Variants in SYNPR observed in about 807,000 individuals in gnomAD.
SYNPR encodes synaptoporin.
In SYNPR, 23 loss-of-function variants were observed where a neutral mutation model predicts 32.9. The ratio of observed to expected loss-of-function variants is 0.70; its 90% CI spans 0.50 to 0.99. SYNPR has a LOEUF of 0.99. SYNPR is among the 50% of genes least tolerant of loss of function. The pLI is 0.00. For synonymous variants in SYNPR, 146 were observed against 135.9 expected (o/e 1.07, Z -0.52); for missense variants, 318 against 349.3 (o/e 0.91, Z 0.71).
At chr3:63,253,444 T>C (rs889332425) in intron 2 of SYNPR, among the ~76,000 whole-genome samples, 3 of 152,196 alleles carry the variant, frequency 2.0e-5, no homozygotes, top group Non-Finnish European at 4.4e-5. Flanking sequence ...AAATAATAAT[T>C]TTGATGAATA....
At chr3:63,612,790 G>A (rs796349020) in intron 5 of SYNPR, among the ~76,000 whole-genome samples, 8 of 152,038 alleles carry the variant, frequency 5.3e-5, no homozygotes, top group African/African-American at 1.9e-4. Context: ...AGGGAAAAGA[G>A]AAAGATCAAT....
chr3:63,261,634 T>C (rs1242412090), intron 2 of SYNPR, among the ~76,000 whole-genome samples: 5 of 143,712 alleles, frequency 3.5e-5, no homozygotes, highest in African/African-American at 1.3e-4. Flanking sequence ...AGTTAATGGG[T>C]GCAGCACACC....
the SYNPR span, among the ~76,000 whole-genome samples, chr3:63,205,201 G>T: frequency 6.6e-6 from 1 of 152,094 alleles, no homozygotes; most frequent in Non-Finnish European, 1.5e-5. Flanking sequence ...TCACAGACAG[G>T]GGCCATGTCA....
intron 4 of SYNPR, among the ~76,000 whole-genome samples, chr3:63,585,445 C>A (rs1703166450): frequency 8.3e-5 from 1 of 12,066 alleles, no homozygotes; most frequent in Admixed American, 9.2e-4. Flanking sequence ...TTCTGTATAT[C>A]CATGCCCCCC....
chr3:63,455,221 C>G (rs573081917), intron 2 of SYNPR, among the ~76,000 whole-genome samples: 1 of 152,042 alleles, frequency 6.6e-6, no homozygotes, highest in African/African-American at 2.4e-5. Flanking sequence ...AATATTTGAG[C>G]CAATATGTTA....
chr3:63,206,569 AG>A, the SYNPR span, among the ~76,000 whole-genome samples: 1 of 152,222 alleles, frequency 6.6e-6, no homozygotes, highest in Admixed American at 6.5e-5. Context: ...TCAAAAAAAA[AG>A]AAAAGAAAAG....
intron 2 of SYNPR, among the ~76,000 whole-genome samples, chr3:63,333,913 G>T (rs182242469): frequency 6.6e-6 from 1 of 152,268 alleles, no homozygotes; most frequent in Admixed American, 6.5e-5. Flanking sequence ...AAGCCGAAAT[G>T]TCTTACTAAG....
intron 2 of SYNPR, among the ~76,000 whole-genome samples, chr3:63,381,937 G>A (rs1208604926): frequency 3.9e-5 from 6 of 152,016 alleles, no homozygotes; most frequent in African/African-American, 7.2e-5. Context: ...ACAACTTAAC[G>A]AAATCTACTA....
chr3:63,387,818 G>C (rs2088073913), intron 2 of SYNPR, among the ~76,000 whole-genome samples: 2 of 152,178 alleles, frequency 1.3e-5, no homozygotes, highest in Non-Finnish European at 2.9e-5. Context: ...GGGAGAATTG[G>C]GTGGCGGAGG....
At chr3:63,381,666 T>C (rs2087972375) in intron 2 of SYNPR, among the ~76,000 whole-genome samples, 1 of 152,244 alleles carries the variant, frequency 6.6e-6, no homozygotes, top group African/African-American at 2.4e-5. Context: ...AATCTCTTTC[T>C]TGTAATTGGT....
At chr3:63,238,315 G>T (rs2086214097) in intron 1 of SYNPR, among the ~76,000 whole-genome samples, 2 of 151,922 alleles carry the variant, frequency 1.3e-5, no homozygotes, top group Admixed American at 1.3e-4. Flanking sequence ...TCATTTTAAT[G>T]AAAGAAAGAA....
intron 2 of SYNPR, among the ~76,000 whole-genome samples, chr3:63,410,831 T>A (rs1049540466): frequency 6.6e-6 from 1 of 152,092 alleles, no homozygotes; most frequent in East Asian, 1.9e-4. Flanking sequence ...AGCCCCTGAC[T>A]TTGAGGAGGA....
At chr3:63,325,714 G>T (rs1179019796) in intron 2 of SYNPR, among the ~76,000 whole-genome samples, 4 of 152,016 alleles carry the variant, frequency 2.6e-5, no homozygotes, top group Admixed American at 2.6e-4. Context: ...GGTAACCTTG[G>T]AAAGTAATGT....
intron 2 of SYNPR, among the ~76,000 whole-genome samples, chr3:63,408,360 G>GAAAGAAAA (rs2088416025): frequency 2.0e-5 from 3 of 150,090 alleles, no homozygotes; most frequent in East Asian, 4.2e-4. Context: ...AAGAAAGAAA[G>GAAAGAAAA]AAAGAAAGAA....
chr3:63,200,672 G>A, the SYNPR span, among the ~76,000 whole-genome samples: 1 of 152,048 alleles, frequency 6.6e-6, no homozygotes, highest in African/African-American at 2.4e-5. Context: ...GTGAGATCAT[G>A]ATATAGACTG....
At chr3:63,209,682 T>A in the SYNPR span, among the ~76,000 whole-genome samples, 1 of 152,246 alleles carries the variant, frequency 6.6e-6, no homozygotes, top group African/African-American at 2.4e-5. Flanking sequence ...TTTACCTCGT[T>A]AATTTTTCCT....
rs533292092 is a variant in SYNPR, at chr3:63,556,549, C to T, written c.216C>T (p.His72=). Residue 72 remains histidine, a synonymous_variant, in exon 4 of 6, where the codon CAC becomes CAT. Coordinates refer to ENST00000478300, the MANE Select transcript of SYNPR (RefSeq NM_001130003.2). ...DIAFAYPFRL[H]QVTFEVPTCE... Reference sequence around the variant, plus strand: ...CTTAAATCTGGCAATTTAGGTTGCACCAGGTGACGTTTGAGGTGCCCACCT... The same window carrying T: ...CTTAAATCTGGCAATTTAGGTTGCATCAGGTGACGTTTGAGGTGCCCACCT... The T allele has an allele frequency of 2.9e-5, 47 of 1,609,722 alleles. 1 individual carries two copies. The East Asian group carries it at 1.0e-3, about 35-fold the overall frequency.
intron 2 of SYNPR, among the ~76,000 whole-genome samples, chr3:63,379,027 T>A (rs2107064714): frequency 1.3e-5 from 2 of 152,296 alleles, no homozygotes; most frequent in South Asian, 2.1e-4. Flanking sequence ...CAATGTATTT[T>A]AAAAATTTCT....
chr3:63,531,414 T>A (rs4374523), intron 3 of SYNPR, among the ~76,000 whole-genome samples: 3,240 of 152,130 alleles, frequency 0.021, 97 homozygotes, highest in African/African-American at 0.07. Context: ...AGCTTGCAAC[T>A]CCATCACTCC....
Sources: allele counts gnomAD v4.1 joint callset (sites outside exome capture counted in the v4.1 genomes callset), GRCh38; gene constraint gnomAD v4.1.1; transcripts MANE v1.5; gene names NCBI Gene and HGNC (gene_info 2026-07-23, HGNC 2026-07-21).